Variants in PPP1R9A observed in about 807,000 individuals in gnomAD.
PPP1R9A encodes protein phosphatase 1 regulatory subunit 9A, also known as neurabin-1.
In PPP1R9A, 59 loss-of-function variants were observed where a neutral mutation model predicts 141.9. The observed-to-expected ratio is 0.42, with a 90% CI of 0.34 to 0.52. The LOEUF (loss-of-function observed/expected upper bound fraction) is 0.52, where lower values mean the gene tolerates loss of function less well. Among genes scored for constraint, PPP1R9A ranks in the 20% least tolerant of loss-of-function variants. The pLI is 0.10. For missense variants in PPP1R9A, 1,444 were observed against 1,611.9 expected (o/e 0.90, Z 1.78); for synonymous variants, 500 against 569.7 (o/e 0.88, Z 1.74).
intron 8 of PPP1R9A, among the ~76,000 whole-genome samples, chr7:95,237,015 C>T (rs1044102701): frequency 6.6e-6 from 1 of 151,480 alleles, no homozygotes; most frequent in African/African-American, 2.4e-5. Flanking sequence ...GATCAGAAAA[C>T]ATATTCCATA....
At position 94,910,308 on chromosome 7, in the gene PPP1R9A, A is replaced by G. The variant is rs1791309796; in HGVS notation, c.195A>G (p.Arg65=). The change falls in exon 2 of 20, where the codon AGA becomes AGG. Residue 65 remains arginine, a synonymous_variant. Coordinates refer to ENST00000433360, the MANE Select transcript of PPP1R9A (RefSeq NM_001166160.2). The surrounding 1 kb of genome is among the most constrained non-coding windows in gnomAD (Gnocchi z 4.5). ...RGRKYGSNVN[R]IKNLFMQMGM... is the part of the protein sequence containing the mutation. Reference sequence around the variant, plus strand: ...GGAAATATGGCTCCAATGTCAACAGAATTAAAAACCTATTTATGCAGATGG... The same window carrying G: ...GGAAATATGGCTCCAATGTCAACAGGATTAAAAACCTATTTATGCAGATGG... The G allele has an allele frequency of 6.2e-7, 1 of 1,613,936 alleles. No homozygotes were observed. The highest frequency in any genetic ancestry group is 1.3e-5 in the African/African-American group (1 of 74,882).
At chr7:95,283,769 G>A (rs1022344983) in intron 16 of PPP1R9A, among the ~76,000 whole-genome samples, 4 of 152,066 alleles carry the variant, frequency 2.6e-5, no homozygotes, top group African/African-American at 9.7e-5. Context: ...ACACTTATTA[G>A]GCACATTTTA....
At chr7:95,254,053 C>A (rs943021379) in intron 12 of PPP1R9A, among the ~76,000 whole-genome samples, 4 of 152,108 alleles carry the variant, frequency 2.6e-5, no homozygotes, top group African/African-American at 9.7e-5. Flanking sequence ...CAAAACCTTA[C>A]ATTTCATCTG....
intron 2 of PPP1R9A, among the ~76,000 whole-genome samples, chr7:95,108,319 T>TTC (rs1469138769): frequency 3.3e-4 from 41 of 126,060 alleles, no homozygotes; most frequent in Non-Finnish European, 6.1e-4. Context: ...TTTTTTTTTT[T>TTC]TTTTTTTTTT....
chr7:94,946,920 T>A (rs1795953334), intron 2 of PPP1R9A, among the ~76,000 whole-genome samples: 1 of 152,206 alleles, frequency 6.6e-6, no homozygotes, highest in South Asian at 2.1e-4. Flanking sequence ...ATTGATCTGA[T>A]GTGTCCTACC....
chr7:95,225,063 A>G (rs1341317029), intron 7 of PPP1R9A, among the ~76,000 whole-genome samples: 1 of 152,106 alleles, frequency 6.6e-6, no homozygotes, highest in East Asian at 1.9e-4. Flanking sequence ...TAATAAAGTT[A>G]AGGAAGTTAG....
At chr7:95,158,199 C>G (rs1475857227) in intron 4 of PPP1R9A, among the ~76,000 whole-genome samples, 1 of 152,116 alleles carries the variant, frequency 6.6e-6, no homozygotes, top group Non-Finnish European at 1.5e-5. Flanking sequence ...TATTGCACTA[C>G]TTAACTCTGG....
intron 3 of PPP1R9A, among the ~76,000 whole-genome samples, chr7:95,111,695 A>G (rs1820601631): frequency 6.6e-6 from 1 of 152,188 alleles, no homozygotes; most frequent in Non-Finnish European, 1.5e-5. Context: ...CTGAGAGCCC[A>G]GAAAGAGCTG....
chr7:95,003,204 T>C (rs1446048461), intron 2 of PPP1R9A, among the ~76,000 whole-genome samples: 1 of 152,166 alleles, frequency 6.6e-6, no homozygotes, highest in Admixed American at 6.6e-5. Context: ...AAGAAAACAG[T>C]CGTCTCCTGT....
intron 12 of PPP1R9A, among the ~76,000 whole-genome samples, chr7:95,265,317 C>A (rs993233312): frequency 3.9e-5 from 6 of 152,168 alleles, no homozygotes; most frequent in Admixed American, 2.6e-4. Context: ...GAAGCCTGAG[C>A]TCTATTCACT....
In PPP1R9A at chr7:95,288,355, A is replaced by G. The variant is rs536890672; in HGVS notation, c.3730-181A>G. On this transcript the variant is annotated intron_variant, in intron 18 of 19. Coordinates refer to ENST00000433360, the MANE Select transcript of PPP1R9A (RefSeq NM_001166160.2). The stretch of plus-strand genomic sequence containing the variant: ...TATTATGGGGAATTTCTAAACTTCT[A>G]AAAACATAAAAACATATAGGTAATA... Among the ~76,000 whole-genome samples the G allele has an allele frequency of 2.6e-5, 4 of 152,356 alleles. No individual in the cohort carries two copies. The South Asian group carries it at 8.3e-4, about 32-fold the overall frequency.
intron 1 of PPP1R9A, among the ~76,000 whole-genome samples, chr7:94,909,240 T>C (rs1204352315): frequency 6.6e-6 from 1 of 152,220 alleles, no homozygotes; most frequent in Non-Finnish European, 1.5e-5. Flanking sequence ...CCATAATTAA[T>C]AATAACCACT....
intron 2 of PPP1R9A, among the ~76,000 whole-genome samples, chr7:94,959,262 T>C (rs1290968531): frequency 1.3e-5 from 2 of 151,854 alleles, no homozygotes; most frequent in African/African-American, 2.4e-5. Context: ...TAAATTTGCT[T>C]TATTTAATGT....
intron 2 of PPP1R9A, among the ~76,000 whole-genome samples, chr7:94,937,855 ATTAAGATAGG>A (rs1344126941): frequency 6.6e-6 from 1 of 152,320 alleles, no homozygotes; most frequent in African/African-American, 2.4e-5. Context: ...AGTATTCTAT[ATTAAGATAGG>A]GCACTGGAAA....
chr7:95,011,293 A>T (rs570514099), intron 2 of PPP1R9A, among the ~76,000 whole-genome samples: 2 of 152,120 alleles, frequency 1.3e-5, no homozygotes, highest in Non-Finnish European at 2.9e-5. Flanking sequence ...CATCTGAAAA[A>T]TTTTGGCTTA....
chr7:94,986,886 G>T (rs867721893), intron 2 of PPP1R9A, among the ~76,000 whole-genome samples: 1 of 152,196 alleles, frequency 6.6e-6, no homozygotes. Context: ...ATTGGCTTAT[G>T]CCAGATCTTT....
chr7:95,278,469 G>A (rs1356584410), intron 16 of PPP1R9A, among the ~76,000 whole-genome samples: 1 of 151,926 alleles, frequency 6.6e-6, no homozygotes, highest in Non-Finnish European at 1.5e-5. Context: ...GAAAATTTTA[G>A]TTTACAATGT....
chr7:94,998,769 T>C (rs953187598), intron 2 of PPP1R9A, among the ~76,000 whole-genome samples: 2 of 152,216 alleles, frequency 1.3e-5, no homozygotes, highest in East Asian at 3.9e-4. Context: ...CTTGGTGTTT[T>C]TTTGTTTGTT....
At chr7:95,273,307 G>A (rs1490188726) in intron 14 of PPP1R9A, among the ~76,000 whole-genome samples, 1 of 152,186 alleles carries the variant, frequency 6.6e-6, no homozygotes, top group Non-Finnish European at 1.5e-5. Flanking sequence ...TTGTAGCTGA[G>A]CCCCTGTTTA....
Sources: allele counts gnomAD v4.1 joint callset (sites outside exome capture counted in the v4.1 genomes callset), GRCh38; gene constraint gnomAD v4.1.1; non-coding constraint Gnocchi (gnomAD v3.1); transcripts MANE v1.5; gene names NCBI Gene and HGNC (gene_info 2026-07-23, HGNC 2026-07-21).